The following SCOC variants were observed in gnomAD, a reference collection of about 807,000 sequenced individuals.
SCOC encodes short coiled coil protein.
In SCOC, 7 loss-of-function variants were observed where a neutral mutation model predicts 9.9. The ratio of observed to expected loss-of-function variants is 0.71; its 90% CI spans 0.40 to 1.33. The LOEUF (loss-of-function observed/expected upper bound fraction) is 1.33, where lower values mean the gene tolerates loss of function less well. Ranked by LOEUF, SCOC falls within the 40% of genes most tolerant of loss-of-function variation. The probability of loss-of-function intolerance (pLI) is 0.01; values close to 1 mark genes in which losing one functional copy is unlikely to be tolerated. For missense variants in SCOC, 66 were observed against 89.7 expected (o/e 0.74, Z 1.07); for synonymous variants, 19 against 28.2 (o/e 0.67, Z 1.03).
intron 1 of SCOC, among the ~76,000 whole-genome samples, chr4:140,295,560 G>A (rs1378300985): frequency 6.6e-6 from 1 of 152,214 alleles, no homozygotes; most frequent in African/African-American, 2.4e-5. Flanking sequence ...ACAGCAAGGA[G>A]AGAAGTGAGA....
intron 1 of SCOC, among the ~76,000 whole-genome samples, chr4:140,287,174 A>G (rs1027512644): frequency 1.6e-4 from 25 of 151,796 alleles, no homozygotes; most frequent in Non-Finnish European, 2.8e-4. Context: ...TACATATACC[A>G]TGTACACACA....
chr4:140,308,449 C>A (rs771471484), intron 1 of SCOC, among the ~76,000 whole-genome samples: 1 of 152,210 alleles, frequency 6.6e-6, no homozygotes, highest in African/African-American at 2.4e-5. Flanking sequence ...TAGCCAGGGC[C>A]GAGCAGAGGA....
At chr4:140,265,054 T>C (rs549748961) in intron 1 of SCOC, among the ~76,000 whole-genome samples, 32 of 152,328 alleles carry the variant, frequency 2.1e-4, no homozygotes, top group African/African-American at 7.2e-4. Flanking sequence ...GATTTTATTA[T>C]AAATAATGTT....
At chr4:140,270,538 G>A (rs1379152159) in intron 1 of SCOC, among the ~76,000 whole-genome samples, 2 of 152,068 alleles carry the variant, frequency 1.3e-5, no homozygotes, top group Non-Finnish European at 2.9e-5. Context: ...GTCTCACTAT[G>A]TTGTCCAGGC....
intron 1 of SCOC, among the ~76,000 whole-genome samples, chr4:140,268,853 A>G (rs1182042192): frequency 2.0e-5 from 3 of 152,224 alleles, no homozygotes; most frequent in Admixed American, 2.0e-4. Context: ...AGAAATGCCA[A>G]CTGGGACTGT....
chr4:140,343,463 C>G, exon 1 of SCOC: 1 of 538,134 alleles, frequency 1.9e-6, no homozygotes, highest in Admixed American at 3.1e-5. Flanking sequence ...AAGAATGCAA[C>G]ACTCAGGTGA....
chr4:140,366,206 T>A, intron 2 of SCOC: 3 of 713,350 alleles, frequency 4.2e-6, no homozygotes, highest in South Asian at 6.2e-5. Flanking sequence ...TTTTCCCAAA[T>A]AGAACTTTTA....
rs184032671 is a variant in SCOC, at chr4:140,287,776, C to T, written c.-19+30366C>T. Reference sequence around the variant, plus strand: ...ACCACACTCATGTGCATGCACTATACGTACCATGCATGTAAACATACATAC... The same window carrying T: ...ACCACACTCATGTGCATGCACTATATGTACCATGCATGTAAACATACATAC... On this transcript the variant is annotated intron_variant, in intron 1 of 4. Transcript: ENST00000394205. Among the ~76,000 whole-genome samples, 22 of 152,138 alleles carry T rather than the reference C, an allele frequency of 1.4e-4. No individual in the cohort carries two copies. In the East Asian group the frequency reaches 1.7e-3, roughly 12 times the overall value.
intron 1 of SCOC, among the ~76,000 whole-genome samples, chr4:140,311,369 C>T (rs967244641): frequency 1.3e-5 from 2 of 151,986 alleles, no homozygotes; most frequent in East Asian, 3.9e-4. Context: ...CTGTAAATAC[C>T]CCTAGGGAGG....
intron 2 of SCOC, among the ~76,000 whole-genome samples, chr4:140,368,085 G>A (rs1445634787): frequency 6.6e-6 from 1 of 152,206 alleles, no homozygotes; most frequent in Non-Finnish European, 1.5e-5. Context: ...ATATTTGAAT[G>A]CTGTACAGTA....
intron 1 of SCOC, among the ~76,000 whole-genome samples, chr4:140,288,084 C>G (rs748886526): frequency 2.0e-5 from 3 of 151,992 alleles, no homozygotes; most frequent in Non-Finnish European, 4.4e-5. Flanking sequence ...CTATATTTAT[C>G]ACACACATAT....
At chr4:140,302,896 TC>T (rs1263461085) in intron 1 of SCOC, among the ~76,000 whole-genome samples, 2 of 151,494 alleles carry the variant, frequency 1.3e-5, no homozygotes, top group African/African-American at 2.4e-5. Context: ...AAGGGCGGTT[TC>T]TTTTATAAGA....
At position 140,260,022 on chromosome 4, in the gene SCOC, G is replaced by A. The variant is rs1475885724; in HGVS notation, c.-19+2612G>A. On this transcript the variant is annotated intron_variant, in intron 1 of 4. Transcript: ENST00000394205. ...TTGGGTCAAATCTCACTCCCAGCTT[G>A]AAATGATCACTCTCCACAGAATACC... Among the ~76,000 whole-genome samples, 4 of 152,114 alleles carry A rather than the reference G, an allele frequency of 2.6e-5. No individual in the cohort carries two copies. The East Asian group carries it at 7.7e-4, about 29-fold the overall frequency.
At chr4:140,378,952 A>T (rs1206883782) in intron 1 of SCOC, among the ~76,000 whole-genome samples, 169 bp from the exon 2 acceptor site, 7 of 152,176 alleles carry the variant, frequency 4.6e-5, no homozygotes, top group Admixed American at 1.3e-4. Flanking sequence ...ACATTTTCTC[A>T]AACTATTTAT....
At chr4:140,338,768 A>G (rs1366173366), upstream of SCOC, among the ~76,000 whole-genome samples, 1 of 152,162 alleles carries the variant, frequency 6.6e-6, no homozygotes, top group African/African-American at 2.4e-5. Flanking sequence ...CTTCAAGGAG[A>G]ACTACAAACC....
intron 2 of SCOC, among the ~76,000 whole-genome samples, chr4:140,362,451 T>C (rs531478566): frequency 1.3e-3 from 191 of 149,416 alleles, no homozygotes; most frequent in African/African-American, 4.4e-3. Context: ...CAAGCCACCA[T>C]GCCCGGCTAA....
chr4:140,366,265 C>T (rs1250537909), intron 2 of SCOC: 1 of 1,321,312 alleles, frequency 7.6e-7, no homozygotes. Flanking sequence ...GGAGCAGGTG[C>T]TTTCTGGGCT....
chr4:140,262,012 A>G (rs1730643173), intron 1 of SCOC, among the ~76,000 whole-genome samples: 1 of 152,216 alleles, frequency 6.6e-6, no homozygotes, highest in African/African-American at 2.4e-5. Flanking sequence ...TTCTTATTAG[A>G]CCTCAATTTA....
intron 1 of SCOC, among the ~76,000 whole-genome samples, chr4:140,281,236 T>C (rs1731088799): frequency 1.3e-5 from 2 of 151,010 alleles, no homozygotes; most frequent in Admixed American, 1.3e-4. Flanking sequence ...CCCCATCATA[T>C]TAGGTCACTT....
Sources: allele counts gnomAD v4.1 joint callset (sites outside exome capture counted in the v4.1 genomes callset), GRCh38; gene constraint gnomAD v4.1.1; transcripts MANE v1.5; gene names NCBI Gene and HGNC (gene_info 2026-07-23, HGNC 2026-07-21).